The following ZNF490 variants were observed in gnomAD, a reference collection of about 807,000 sequenced individuals.
The protein encoded by ZNF490 is zinc finger protein 490.
A neutral mutation model predicts 17.7 loss-of-function variants in ZNF490; 11 were observed. That is an observed-to-expected ratio of 0.62 (90% confidence interval 0.39 to 1.03). ZNF490 has a LOEUF of 1.03. ZNF490 is among the 50% of genes least tolerant of loss of function. The pLI is 0.00. For missense variants in ZNF490, 542 were observed against 643.4 expected (o/e 0.84, Z 1.71); for synonymous variants, 222 against 216.1 (o/e 1.03, Z -0.24).
At chr19:12,606,343 CTT>C (rs35743660) in intron 2 of ZNF490, among the ~76,000 whole-genome samples, 111 of 121,588 alleles carry the variant, frequency 9.1e-4, no homozygotes, top group Admixed American at 6.7e-4. Flanking sequence ...CTGGGTAATT[CTT>C]TTTTTTTTTT....
At chr19:12,602,591 C>T (rs1662214149) in intron 2 of ZNF490, among the ~76,000 whole-genome samples, 1 of 150,260 alleles carries the variant, frequency 6.7e-6, no homozygotes. Flanking sequence ...GGGTAATGGT[C>T]ATCTACACAG....
In ZNF490 at chr19:12,581,617, A is replaced by C; in HGVS notation, c.458T>G (p.Leu153Ter). The C allele has an allele frequency of 6.2e-7, 1 of 1,614,164 alleles. No individual in the cohort carries two copies. Among genetic ancestry groups the C allele is most frequent in the Non-Finnish European group, 8.5e-7 (1 of 1,180,028 alleles). ...ACACACACTGCAGTCACATGGTTTT[A>C]ATCCAGTAGGAGTTTCCAGGTTCGT... ...LNTNLETPTG[L>*]KPCDCSVCGE... The change falls in exon 5 of 5, where the codon TTA becomes TGA. Residue 153 changes from leucine (L) to a stop codon, truncating the protein, a stop_gained. Transcript: ENST00000311437. LOFTEE classifies it low-confidence loss of function (END_TRUNC).
At chr19:12,583,984 G>C (rs2022783421) in intron 2 of ZNF490, among the ~76,000 whole-genome samples, 1 of 150,880 alleles carries the variant, frequency 6.6e-6, no homozygotes, top group African/African-American at 2.4e-5. Context: ...CTAATTTTTT[G>C]TATTTTTAGT....
In ZNF490 at chr19:12,580,455, C is replaced by T. The variant is rs777640814; in HGVS notation, c.*30G>A. 1.6e-5 allele frequency: 25 copies of T among 1,545,556 alleles called. 1 individual carries two copies. In the South Asian group the frequency reaches 1.6e-4, roughly 10 times the overall value. ...CTCATACATCCAAAAGGAACTAATA[C>T]AACTGACAGCATTACCACACTTTAC... On this transcript the variant is annotated 3_prime_UTR_variant, in exon 5 of 5. Transcript: ENST00000311437.
intron 2 of ZNF490, among the ~76,000 whole-genome samples, chr19:12,588,166 T>G (rs543902744): frequency 6.6e-6 from 1 of 151,182 alleles, no homozygotes; most frequent in South Asian, 2.1e-4. Context: ...GCCTGGTCAA[T>G]TTTTATATTT....
chr19:12,602,860 A>G (rs1455247204), intron 2 of ZNF490, among the ~76,000 whole-genome samples: 1 of 151,994 alleles, frequency 6.6e-6, no homozygotes, highest in African/African-American at 2.4e-5. Context: ...TCCTGGGCTC[A>G]TGCAATCCAC....
chr19:12,609,904 G>A (rs1057016827), intron 1 of ZNF490: 8 of 455,006 alleles, frequency 1.8e-5, no homozygotes, highest in African/African-American at 6.0e-5. Flanking sequence ...TGGGTGATGG[G>A]TGCACTAAAA....
chr19:12,582,544 G>A (rs988071432), intron 4 of ZNF490, among the ~76,000 whole-genome samples: 9 of 151,834 alleles, frequency 5.9e-5, no homozygotes, highest in Non-Finnish European at 1.0e-4. Flanking sequence ...ATAGGTGCAC[G>A]CCACCACGCC....
intron 2 of ZNF490, among the ~76,000 whole-genome samples, chr19:12,599,139 C>CAAAAAAAAAAAAAAAA (rs55911311): frequency 7.3e-5 from 5 of 68,632 alleles, no homozygotes; most frequent in Non-Finnish European, 9.8e-5. Context: ...GACTCTGTCT[C>CAAAAAAAAAAAAAAAA]AAAAAAAAAA....
intron 2 of ZNF490, among the ~76,000 whole-genome samples, chr19:12,604,441 G>A (rs954550495): frequency 2.0e-5 from 3 of 152,148 alleles, no homozygotes; most frequent in Non-Finnish European, 4.4e-5. Flanking sequence ...CATGAGGTCA[G>A]GAGTTCGAGA....
intron 2 of ZNF490, among the ~76,000 whole-genome samples, chr19:12,594,818 A>G (rs1464008136): frequency 6.6e-6 from 1 of 152,206 alleles, no homozygotes; most frequent in East Asian, 1.9e-4. Flanking sequence ...CAGAGGAAGA[A>G]GACTCCATCA....
chr19:12,604,834 A>T (rs1271566358), intron 2 of ZNF490, among the ~76,000 whole-genome samples: 1 of 147,884 alleles, frequency 6.8e-6, no homozygotes, highest in Non-Finnish European at 1.5e-5. Flanking sequence ...CAAAAAAAAA[A>T]TAATAATAAT....
In ZNF490 at chr19:12,577,848, C is replaced by A. The variant is rs2022666490; in HGVS notation, c.*2637G>T. 12 of 985,512 alleles carry A rather than the reference C, an allele frequency of 1.2e-5. No individual in the cohort carries two copies. The highest frequency in any genetic ancestry group is 1.4e-5 in the Non-Finnish European group (12 of 830,042). The allele number at this position is 985,512 out of a possible 1,614,324, so 61.0% of individuals were successfully genotyped here. On this transcript the variant is annotated 3_prime_UTR_variant, in exon 5 of 5. Transcript: ENST00000311437. Reference sequence around the variant, plus strand: ...GACCTGGTTTCCCTCAATGCTGCCACCTCCCTTCTAAAACACACTGACTTG... The same window carrying A: ...GACCTGGTTTCCCTCAATGCTGCCAACTCCCTTCTAAAACACACTGACTTG...
rs1220188987 is a variant in ZNF490, at chr19:12,576,678, G to A, written c.*3807C>T. 2.1e-5 allele frequency among the ~76,000 whole-genome samples: 3 copies of A among 139,906 alleles called. No individual in the cohort carries two copies. The highest frequency in any genetic ancestry group is 2.1e-4 in the Admixed American group (3 of 14,130). 91.8% of individuals were successfully genotyped at this position (139,906 alleles called of 152,430 possible). A position where few individuals can be genotyped will look rare whatever the true frequency, so the allele number is the denominator to read the frequency against. ...AAAATACAAAAAAATTTAGCTGGTT[G>A]TGGTGGCACGCGCCTATAGTCCCAG... On this transcript the variant is annotated 3_prime_UTR_variant, in exon 5 of 5. Coordinates refer to ENST00000311437, the MANE Select transcript of ZNF490 (RefSeq NM_020714.3).
Position 12,581,541 on chromosome 19 carries a change from G to A in ZNF490, c.534C>T (p.His178=). Residue 178 remains histidine, a synonymous_variant, in exon 5 of 5, where the codon CAC becomes CAT. Transcript: ENST00000311437. The part of the protein sequence containing the change: ...QVSLNRHMRS[H]TEQKPNECHE... ...GACACTCATTTGGTTTCTGTTCAGT[G>A]TGAGATCTCATGTGCCTATTAAGGG... 6.2e-7 allele frequency: 1 copy of A among 1,614,148 alleles called. No individual in the cohort carries two copies. The highest frequency in any genetic ancestry group is 8.5e-7 in the Non-Finnish European group (1 of 1,180,020).
At chr19:12,591,656 A>G (rs80064969) in intron 2 of ZNF490, among the ~76,000 whole-genome samples, 1 of 152,280 alleles carries the variant, frequency 6.6e-6, no homozygotes, top group African/African-American at 2.4e-5. Flanking sequence ...GCATTAGGGA[A>G]TAAAAAAAAA....
chr19:12,602,094 A>ACG (rs2023014290), intron 2 of ZNF490, among the ~76,000 whole-genome samples: 1 of 148,134 alleles, frequency 6.8e-6, no homozygotes, highest in African/African-American at 2.5e-5. Context: ...ACACACACAC[A>ACG]CACACACACA....
rs541184996 is a variant in ZNF490, at chr19:12,578,918, T to G, written c.*1567A>C. 2 of 985,440 alleles carry G rather than the reference T, an allele frequency of 2.0e-6. No individual in the cohort carries two copies. Among genetic ancestry groups the G allele is most frequent in the South Asian group, 9.4e-5 (2 of 21,286 alleles). The allele number at this position is 985,440 out of a possible 1,614,324, so 61.0% of individuals were successfully genotyped here. Reference sequence around the variant, plus strand: ...GAAGATGTTCCCATATTGCTTACATTTAAGAAGGTGGCTCTCCAGTGTGGG... The same window carrying G: ...GAAGATGTTCCCATATTGCTTACATGTAAGAAGGTGGCTCTCCAGTGTGGG... On this transcript the variant is annotated 3_prime_UTR_variant, in exon 5 of 5. Transcript: ENST00000311437.
Position 12,584,347 on chromosome 19 carries a change from G to A in ZNF490, c.163-791C>T, listed in dbSNP as rs1324610490. Among the ~76,000 whole-genome samples, 35 of 79,738 alleles carry A rather than the reference G, an allele frequency of 4.4e-4. 3 individuals are homozygous for A. The highest frequency in any genetic ancestry group is 8.6e-3 in the Middle Eastern group (1 of 116). 52.3% of individuals were successfully genotyped at this position (79,738 alleles called of 152,430 possible). On this transcript the variant is annotated intron_variant, in intron 2 of 4. Coordinates refer to ENST00000311437, the MANE Select transcript of ZNF490 (RefSeq NM_020714.3). Reference sequence around the variant, plus strand: ...AATTTTTTGTATTTTTAGTAGAGACGGGGTTTCACCATGTTAGCCAGGATG... The same window carrying A: ...AATTTTTTGTATTTTTAGTAGAGACAGGGTTTCACCATGTTAGCCAGGATG...
Sources: gnomAD v4.1 joint callset for allele counts (sites outside exome capture counted in the v4.1 genomes callset) on GRCh38, gnomAD v4.1.1 for gene constraint, MANE v1.5 for transcripts, NCBI Gene and HGNC (gene_info 2026-07-23, HGNC 2026-07-21) for gene names.